Variants in DPF2 observed in about 807,000 individuals in gnomAD.
DPF2 encodes the protein double PHD fingers 2.
DPF2 carries 10 observed loss-of-function variants against 59.6 expected under a neutral mutation model. That is an observed-to-expected ratio of 0.17 (90% CI 0.10 to 0.28). The LOEUF (loss-of-function observed/expected upper bound fraction) is 0.28. Ranked by LOEUF, DPF2 falls within the 10% of genes least tolerant of loss-of-function variation. The probability of loss-of-function intolerance (pLI) is 1.00; values close to 1 mark genes in which losing one functional copy is unlikely to be tolerated. For synonymous variants in DPF2, 189 were observed against 190.6 expected (o/e 0.99, Z 0.07); for missense variants, 315 against 509.4 (o/e 0.62, Z 3.67).
At chr11:65,342,393 C>G (rs1854399938) in intron 4 of DPF2, among the ~76,000 whole-genome samples, 1 of 150,970 alleles carries the variant, frequency 6.6e-6, no homozygotes, top group Non-Finnish European at 1.5e-5. Flanking sequence ...GAAGCTGTAG[C>G]TCTGCTTATG....
At chr11:65,346,211 T>C in intron 8 of DPF2, 36 bp from the exon 9 acceptor site, 2 of 1,608,194 alleles carry the variant, frequency 1.2e-6, no homozygotes, top group Non-Finnish European at 1.7e-6. Flanking sequence ...CCCCCGCATT[T>C]CCGACTGTCT....
intron 1 of DPF2, among the ~76,000 whole-genome samples, chr11:65,337,502 T>TAGAGAGAG (rs1371740234): frequency 1.0e-3 from 33 of 33,096 alleles, no homozygotes; most frequent in African/African-American, 1.1e-3. Context: ...TATATATATA[T>TAGAGAGAG]ATAGAGAGAG....
intron 10 of DPF2, among the ~76,000 whole-genome samples, chr11:65,351,262 CAATATT>C (rs927946861): frequency 2.6e-5 from 4 of 152,118 alleles, no homozygotes; most frequent in African/African-American, 9.7e-5. Context: ...CAGCCATAGT[CAATATT>C]AATAAACAAG....
intron 1 of DPF2, 97 bp from the exon 2 acceptor site, chr11:65,340,288 G>C (rs1302914567): frequency 1.7e-5 from 25 of 1,435,180 alleles, no homozygotes; most frequent in Non-Finnish European, 2.4e-5. Context: ...CCAGTCCCTT[G>C]AGCCTTCTAG....
chr11:65,340,605 A>C (rs2137691656), intron 2 of DPF2, 60 bp downstream of exon 2: 1 of 1,594,290 alleles, frequency 6.3e-7, no homozygotes, highest in East Asian at 2.2e-5. Flanking sequence ...AAGCCTCCTC[A>C]TCTTAGGTGA....
In DPF2 at chr11:65,341,575, C is replaced by T; in HGVS notation, c.465+13C>T. 3.1e-6 allele frequency: 5 copies of T among 1,613,404 alleles called. No homozygotes were observed. The highest frequency in any genetic ancestry group is 1.3e-5 in the African/African-American group (1 of 74,986). ...TCGAGCGCGAAAGGTACAGGATTAT[C>T]CCTGTGGCTAAGGGAGCTTTGATGG... On this transcript the variant is annotated intron_variant, in intron 4 of 10. Coordinates refer to ENST00000528416, the MANE Select transcript of DPF2 (RefSeq NM_006268.5).
At chr11:65,350,271 G>A (rs930036981) in intron 10 of DPF2, among the ~76,000 whole-genome samples, 4 of 152,010 alleles carry the variant, frequency 2.6e-5, no homozygotes, top group African/African-American at 9.7e-5. Flanking sequence ...GGGTCAGCAA[G>A]CTACAAGCTA....
In DPF2 at chr11:65,353,777, T is replaced by TA. The variant is rs1454768639; in HGVS notation, c.*2019dup. 2.4e-4 allele frequency among the ~76,000 whole-genome samples: 37 copies of TA among 152,306 alleles called. No homozygotes were observed. Among genetic ancestry groups the TA allele is most frequent in the African/African-American group, 8.4e-4 (35 of 41,546 alleles). Reference sequence around the variant, plus strand: ...GGAAGCCTAGGCCGGCCTGCACTGTTATGTTCAATAAATAAGCAGGGTGCT... The same window carrying TA: ...GGAAGCCTAGGCCGGCCTGCACTGTTAATGTTCAATAAATAAGCAGGGTGCT... On this transcript the variant is annotated 3_prime_UTR_variant, in exon 11 of 11. Transcript: ENST00000528416.
rs71064878 is a variant in DPF2, at chr11:65,337,494, TATATATATATAG to T, written c.33-2889_33-2878del. Among the ~76,000 whole-genome samples, 342 of 62,566 alleles carry T rather than the reference TATATATATATAG, an allele frequency of 5.5e-3. 3 individuals are homozygous for T. The highest frequency in any genetic ancestry group is 0.018 in the East Asian group (39 of 2,132). The allele number at this position is 62,566 out of a possible 152,430, so 41.0% of individuals were successfully genotyped here. On this transcript the variant is annotated intron_variant, in intron 1 of 10. Transcript: ENST00000528416. ...AAAAAAATATATATATATATATATA[TATATATATATAG>T]AGAGAGAGAGAGAGAGAGAGAGAGA...
At chr11:65,343,459 C>T (rs1854439037) in intron 4 of DPF2, 1 of 426,304 alleles carries the variant, frequency 2.3e-6, no homozygotes, top group South Asian at 3.5e-5. Flanking sequence ...CTTGTGGCAT[C>T]AGGGCAACCT....
Position 65,343,574 on chromosome 11 carries a change from A to G in DPF2, c.466-171A>G, listed in dbSNP as rs4647581. 2.5e-3 allele frequency: 1,550 copies of G among 614,644 alleles called. 18 individuals carry two copies. In the African/African-American group the frequency reaches 0.026, roughly 10 times the overall value. 38.1% of individuals were successfully genotyped at this position (614,644 alleles called of 1,614,324 possible). ...GGGGAAAGATATCCCAAAGTATGGA[A>G]GGGAGCAGGAGCAGGATTATAGCAT... On this transcript the variant is annotated intron_variant, in intron 4 of 10. Coordinates refer to ENST00000528416, the MANE Select transcript of DPF2 (RefSeq NM_006268.5).
intron 4 of DPF2, among the ~76,000 whole-genome samples, chr11:65,342,789 G>A (rs955558326): frequency 6.6e-6 from 1 of 151,840 alleles, no homozygotes; most frequent in African/African-American, 2.4e-5. Flanking sequence ...GAGGCAGGCG[G>A]ATCTTGAGGT....
intron 4 of DPF2, chr11:65,343,434 G>A (rs1854438147): frequency 2.8e-6 from 1 of 351,560 alleles, no homozygotes. Flanking sequence ...TCAGAGGCAG[G>A]AGAGGGCATG....
In DPF2 at chr11:65,345,870, A is replaced by C. The variant is rs990209082; in HGVS notation, c.776-60A>C. ...CCTGGTTATGAAAACCACTCCTTGC[A>C]TGGGTGTTGAGTGGCTCAGGGACCC... On this transcript the variant is annotated intron_variant, in intron 7 of 10. Transcript: ENST00000528416. 20 of 1,613,390 alleles carry C rather than the reference A, an allele frequency of 1.2e-5. No individual in the cohort carries two copies. The African/African-American group carries it at 2.7e-4, about 22-fold the overall frequency.
At chr11:65,344,662 CT>C in intron 6 of DPF2, 1 of 1,528,712 alleles carries the variant, frequency 6.5e-7, no homozygotes, top group South Asian at 1.2e-5. Flanking sequence ...TTTCCTTTCC[CT>C]TTTTCCCTCT....
intron 4 of DPF2, among the ~76,000 whole-genome samples, chr11:65,342,689 TCA>T (rs748585126): frequency 1.2e-4 from 18 of 152,182 alleles, no homozygotes; most frequent in Non-Finnish European, 2.4e-4. Context: ...GTTCCCCATT[TCA>T]CACAGAGGCT....
chr11:65,339,571 C>T (rs1239563843), intron 1 of DPF2, among the ~76,000 whole-genome samples: 3 of 152,134 alleles, frequency 2.0e-5, no homozygotes, highest in Admixed American at 1.3e-4. Flanking sequence ...CTTCAAGGAA[C>T]TTCAGGTACT....
chr11:65,337,432 G>A (rs1408181096), intron 1 of DPF2, among the ~76,000 whole-genome samples: 4 of 118,440 alleles, frequency 3.4e-5, no homozygotes, highest in Admixed American at 1.1e-4. Flanking sequence ...TAACCTGGGC[G>A]GCAAAGCAAG....
At chr11:65,341,587 G>A (rs1854375899) in intron 4 of DPF2, 25 bp downstream of exon 4, 5 of 1,610,494 alleles carry the variant, frequency 3.1e-6, no homozygotes, top group Middle Eastern at 1.7e-4. Flanking sequence ...CTGTGGCTAA[G>A]GGAGCTTTGA....
Sources: gnomAD v4.1 joint callset for allele counts (sites outside exome capture counted in the v4.1 genomes callset) on GRCh38, gnomAD v4.1.1 for gene constraint, MANE v1.5 for transcripts, NCBI Gene and HGNC (gene_info 2026-07-23, HGNC 2026-07-21) for gene names.